SAMMSON: variants seen among roughly 807,000 people sequenced by gnomAD.
The protein encoded by SAMMSON is survival associated mitochondrial melanoma specific oncogenic non-coding RNA.
At chr3:70,247,100 T>C (rs34324736) in intron 4 of SAMMSON, among the ~76,000 whole-genome samples, 50,365 of 151,794 alleles carry the variant, frequency 0.33, 10,896 homozygotes, top group Non-Finnish European at 0.48. Flanking sequence ...ACCAAGCGCA[T>C]GGTAGAAGAT....
chr3:70,409,492 A>T (rs1003371020), intron 2 of SAMMSON, among the ~76,000 whole-genome samples: 1 of 151,978 alleles, frequency 6.6e-6, no homozygotes, highest in Admixed American at 6.6e-5. Flanking sequence ...TTAGAGAAAA[A>T]CTTTAAATGT....
intron 3 of SAMMSON, among the ~76,000 whole-genome samples, chr3:70,054,967 A>G (rs547393302): frequency 2.0e-5 from 3 of 152,176 alleles, no homozygotes; most frequent in Admixed American, 6.5e-5. Context: ...AACACCATGC[A>G]TATCAATTAC....
At chr3:70,328,942 C>T (rs1575626854) in intron 7 of SAMMSON, among the ~76,000 whole-genome samples, 1 of 152,182 alleles carries the variant, frequency 6.6e-6, no homozygotes, top group East Asian at 1.9e-4. Flanking sequence ...TGACACATTA[C>T]ACAGAATAAA....
intron 7 of SAMMSON, among the ~76,000 whole-genome samples, chr3:70,301,473 A>T (rs1471299910): frequency 6.6e-6 from 1 of 152,084 alleles, no homozygotes. Flanking sequence ...CTGAATTATA[A>T]GTTTCTTTAT....
chr3:70,037,252 C>G (rs2067088648), intron 3 of SAMMSON, among the ~76,000 whole-genome samples: 1 of 152,026 alleles, frequency 6.6e-6, no homozygotes. Flanking sequence ...GCCATTCACA[C>G]TGTCCTTCCC....
At position 70,273,164 on chromosome 3, in the gene SAMMSON, G is replaced by A. The variant is rs569378935; in HGVS notation, n.675-18015G>A. On this transcript the variant is annotated intron_variant and non_coding_transcript_variant, in intron 6 of 9. Coordinates refer to ENST00000642114, the Ensembl canonical transcript of SAMMSON. Reference sequence around the variant, plus strand: ...GACTGACAAATCTAAGATTCATCCCGGTGATCACTGACACTTGAAAGGTAT... The same window carrying A: ...GACTGACAAATCTAAGATTCATCCCAGTGATCACTGACACTTGAAAGGTAT... Among the ~76,000 whole-genome samples the A allele has an allele frequency of 1.4e-4, 21 of 152,216 alleles. No individual in the cohort carries two copies. In the South Asian group the frequency reaches 3.9e-3, roughly 29 times the overall value.
chr3:70,191,490 G>A (rs1434916833), intron 4 of SAMMSON, among the ~76,000 whole-genome samples: 1 of 152,184 alleles, frequency 6.6e-6, no homozygotes, highest in Non-Finnish European at 1.5e-5. Flanking sequence ...TAAAAGGTAA[G>A]TCTTTGTAAC....
intron 7 of SAMMSON, among the ~76,000 whole-genome samples, chr3:70,315,123 GT>G (rs1484040088): frequency 6.6e-6 from 1 of 152,136 alleles, no homozygotes; most frequent in Non-Finnish European, 1.5e-5. Context: ...CTGTACAAGA[GT>G]TTATTCTGAA....
chr3:70,284,614 G>C (rs1351742792), intron 6 of SAMMSON, among the ~76,000 whole-genome samples: 2 of 152,156 alleles, frequency 1.3e-5, no homozygotes, highest in African/African-American at 2.4e-5. Flanking sequence ...AATGGAGCCA[G>C]AGGACATCTT....
chr3:70,085,777 A>G (rs191747119), intron 4 of SAMMSON, among the ~76,000 whole-genome samples: 1 of 152,318 alleles, frequency 6.6e-6, no homozygotes. Context: ...TGCAGTTACT[A>G]TCAATTTCAC....
chr3:70,432,330 T>C (rs1316674700), intron 2 of SAMMSON, among the ~76,000 whole-genome samples: 1 of 151,872 alleles, frequency 6.6e-6, no homozygotes, highest in Non-Finnish European at 1.5e-5. Flanking sequence ...TCCATGTTTA[T>C]TAGGCCATCC....
chr3:70,146,792 A>G (rs2067550795), intron 4 of SAMMSON, among the ~76,000 whole-genome samples: 1 of 152,016 alleles, frequency 6.6e-6, no homozygotes, highest in Non-Finnish European at 1.5e-5. Flanking sequence ...ACTCTTATTC[A>G]ACATCACACT....
chr3:70,067,811 T>C (rs2067215642), intron 3 of SAMMSON, among the ~76,000 whole-genome samples: 1 of 152,062 alleles, frequency 6.6e-6, no homozygotes, highest in Admixed American at 6.6e-5. Context: ...GTGGGGTGAA[T>C]AACTCATTGA....
At chr3:70,185,107 T>A (rs561646569) in intron 4 of SAMMSON, among the ~76,000 whole-genome samples, 5 of 152,330 alleles carry the variant, frequency 3.3e-5, no homozygotes, top group African/African-American at 1.2e-4. Flanking sequence ...CATGTGTTTT[T>A]GGAAAATTGC....
intron 4 of SAMMSON, among the ~76,000 whole-genome samples, chr3:70,242,960 G>A (rs1575604987): frequency 6.6e-6 from 1 of 152,110 alleles, no homozygotes; most frequent in African/African-American, 2.4e-5. Context: ...TAAAAAAATT[G>A]CCCCAGGCCT....
chr3:70,272,212 T>C (rs1184653900), intron 6 of SAMMSON: 2 of 152,198 alleles, frequency 1.3e-5, no homozygotes, highest in Admixed American at 6.5e-5. Context: ...TTGACAAAAG[T>C]GCACACCATC....
chr3:70,428,497 A>C (rs1701389450), intron 2 of SAMMSON, among the ~76,000 whole-genome samples: 1 of 152,216 alleles, frequency 6.6e-6, no homozygotes, highest in African/African-American at 2.4e-5. Context: ...GCTTTGGCAA[A>C]TGATACTGAA....
intron 3 of SAMMSON, among the ~76,000 whole-genome samples, chr3:70,054,301 A>G (rs2067158232): frequency 6.6e-6 from 1 of 152,136 alleles, no homozygotes; most frequent in South Asian, 2.1e-4. Flanking sequence ...GTAGTGTTGA[A>G]CTTGGCATAA....
intron 4 of SAMMSON, among the ~76,000 whole-genome samples, chr3:70,124,523 G>T (rs534056071): frequency 6.6e-6 from 1 of 152,034 alleles, no homozygotes. Context: ...TTAAAATACT[G>T]TACCTGTGGC....
Sources: allele counts gnomAD v4.1 joint callset (sites outside exome capture counted in the v4.1 genomes callset), GRCh38; gene constraint gnomAD v4.1.1; transcripts MANE v1.5; gene names NCBI Gene and HGNC (gene_info 2026-07-23, HGNC 2026-07-21).